CADM1: variants seen among roughly 807,000 people sequenced by gnomAD.
CADM1 encodes cell adhesion molecule 1, also known as TSLC-1.
CADM1 carries 15 observed loss-of-function variants against 53.1 expected under a neutral mutation model. The ratio of observed to expected loss-of-function variants is 0.28; its 90% confidence interval spans 0.19 to 0.44. CADM1 has a LOEUF of 0.44. CADM1 is among the 20% of genes least tolerant of loss of function. The pLI, the probability that CADM1 is intolerant of heterozygous loss-of-function variation, is 1.00. For missense variants in CADM1, 434 were observed against 611.3 expected (o/e 0.71, Z 3.06); for synonymous variants, 281 against 243.0 (o/e 1.16, Z -1.45).
intron 5 of CADM1, among the ~76,000 whole-genome samples, chr11:115,225,380 A>C (rs1336159983): frequency 6.6e-6 from 1 of 152,102 alleles, no homozygotes; most frequent in African/African-American, 2.4e-5. Context: ...CAACTCATTT[A>C]TTTATGTTCA....
chr11:115,293,947 G>A (rs1943978236), intron 1 of CADM1, among the ~76,000 whole-genome samples: 3 of 152,162 alleles, frequency 2.0e-5, no homozygotes, highest in Admixed American at 2.0e-4. Context: ...CAGATTCTGT[G>A]ATTTAGAGAG....
At chr11:115,276,317 T>G (rs12295738) in intron 1 of CADM1, among the ~76,000 whole-genome samples, 27,842 of 152,154 alleles carry the variant, frequency 0.18, 2,753 homozygotes, top group South Asian at 0.34. Context: ...AGGAACTGCT[T>G]AAAACAATAG....
chr11:115,369,546 A>G (rs960718914), intron 1 of CADM1, among the ~76,000 whole-genome samples: 13 of 152,228 alleles, frequency 8.5e-5, no homozygotes, highest in Admixed American at 4.6e-4. Context: ...TTAGAGAAAG[A>G]ATAGCTAACA....
intron 1 of CADM1, among the ~76,000 whole-genome samples, chr11:115,433,411 T>A (rs1228931928): frequency 6.6e-6 from 1 of 152,186 alleles, no homozygotes; most frequent in Non-Finnish European, 1.5e-5. Flanking sequence ...TAAGCCTCCT[T>A]AGCTATCATC....
chr11:115,222,817 C>T (rs1941455513), intron 5 of CADM1, among the ~76,000 whole-genome samples: 1 of 152,114 alleles, frequency 6.6e-6, no homozygotes, highest in African/African-American at 2.4e-5. Flanking sequence ...GTTCCCACTG[C>T]TTTTTAAATG....
At chr11:115,268,111 G>C (rs1023651439) in intron 1 of CADM1, among the ~76,000 whole-genome samples, 18 of 152,188 alleles carry the variant, frequency 1.2e-4, no homozygotes, top group South Asian at 2.1e-4. Context: ...TGATGGGTTT[G>C]CATTGAATCA....
chr11:115,239,570 C>A (rs1184769702), intron 2 of CADM1, among the ~76,000 whole-genome samples: 1 of 152,164 alleles, frequency 6.6e-6, no homozygotes, highest in Non-Finnish European at 1.5e-5. Context: ...CTTTCCTCAA[C>A]CTTTTAAATG....
At chr11:115,428,597 T>G (rs149367011) in intron 1 of CADM1, among the ~76,000 whole-genome samples, 52 of 152,302 alleles carry the variant, frequency 3.4e-4, no homozygotes, top group African/African-American at 1.2e-3. Flanking sequence ...TGTGTGTTCA[T>G]GTAACCTAGC....
intron 10 of CADM1, 198 bp downstream of exon 10, chr11:115,190,690 G>C: frequency 1.8e-6 from 1 of 553,394 alleles, no homozygotes; most frequent in Non-Finnish European, 3.2e-6. Context: ...TCCCCATTCC[G>C]AAATATAAAT....
chr11:115,197,842 G>C (rs1164907869), intron 9 of CADM1, among the ~76,000 whole-genome samples: 1 of 152,180 alleles, frequency 6.6e-6, no homozygotes, highest in Non-Finnish European at 1.5e-5. Context: ...GAACCAGTGA[G>C]GGGTGGTGGG....
chr11:115,248,157 C>T (rs1032771755), intron 1 of CADM1, among the ~76,000 whole-genome samples: 2 of 152,160 alleles, frequency 1.3e-5, no homozygotes, highest in South Asian at 2.1e-4. Flanking sequence ...GGCTGAAGAA[C>T]GGAGGTCAAG....
At chr11:115,232,334 A>G (rs1311580840) in intron 3 of CADM1, among the ~76,000 whole-genome samples, 1 of 152,202 alleles carries the variant, frequency 6.6e-6, no homozygotes, top group Non-Finnish European at 1.5e-5. Flanking sequence ...GTAATCAAAT[A>G]ATTCACAGAG....
At chr11:115,421,861 C>T (rs1023059497) in intron 1 of CADM1, among the ~76,000 whole-genome samples, 1 of 152,162 alleles carries the variant, frequency 6.6e-6, no homozygotes, top group African/African-American at 2.4e-5. Context: ...GATCACGTCT[C>T]AACAGATAAG....
chr11:115,343,657 T>G (rs1321411979), intron 1 of CADM1, among the ~76,000 whole-genome samples: 3 of 151,774 alleles, frequency 2.0e-5, no homozygotes, highest in African/African-American at 7.3e-5. Flanking sequence ...TTCTATCAGA[T>G]TATACACATC....
chr11:115,319,505 T>C (rs943488046), intron 1 of CADM1, among the ~76,000 whole-genome samples: 2 of 152,176 alleles, frequency 1.3e-5, no homozygotes, highest in African/African-American at 4.8e-5. Context: ...TAAATCACTA[T>C]TTTGGTGATT....
intron 1 of CADM1, among the ~76,000 whole-genome samples, chr11:115,468,050 T>C (rs1948932637): frequency 2.0e-5 from 3 of 152,190 alleles, no homozygotes; most frequent in East Asian, 3.8e-4. Flanking sequence ...GGTTTGCATA[T>C]AGAAAAAGAT....
At chr11:115,446,115 T>C (rs930238414) in intron 1 of CADM1, among the ~76,000 whole-genome samples, 1 of 152,284 alleles carries the variant, frequency 6.6e-6, no homozygotes, top group East Asian at 1.9e-4. Flanking sequence ...TACAATTTCA[T>C]GGGGAATAAT....
At chr11:115,225,445 CAATT>C (rs1941571156) in intron 5 of CADM1, among the ~76,000 whole-genome samples, 1 of 152,136 alleles carries the variant, frequency 6.6e-6, no homozygotes, top group South Asian at 2.1e-4. Context: ...GCATACTACA[CAATT>C]AATATCTGTA....
At chr11:115,180,990 G>C (rs1052914382) in intron 10 of CADM1, among the ~76,000 whole-genome samples, 1 of 152,134 alleles carries the variant, frequency 6.6e-6, no homozygotes, top group Non-Finnish European at 1.5e-5. Context: ...GGGAAAGTTA[G>C]GCACAAGAGG....
Sources: gnomAD v4.1 joint callset for allele counts (sites outside exome capture counted in the v4.1 genomes callset) on GRCh38, gnomAD v4.1.1 for gene constraint, MANE v1.5 for transcripts, NCBI Gene and HGNC (gene_info 2026-07-23, HGNC 2026-07-21) for gene names.